PPM1H: variants seen among roughly 807,000 people sequenced by gnomAD.
PPM1H encodes protein phosphatase 1H.
Under a neutral mutation model 54.9 loss-of-function variants are expected in PPM1H, and 27 were observed. The observed-to-expected ratio is 0.49, with a 90% CI of 0.36 to 0.68. PPM1H has a LOEUF of 0.68. Among genes scored for constraint, PPM1H ranks in the 30% least tolerant of loss-of-function variants. The probability of loss-of-function intolerance (pLI) is 0.00; values close to 1 mark genes in which losing one functional copy is unlikely to be tolerated. For synonymous variants in PPM1H, 305 were observed against 270.8 expected (o/e 1.13, Z -1.24); for missense variants, 596 against 667.8 (o/e 0.89, Z 1.19).
intron 8 of PPM1H, among the ~76,000 whole-genome samples, chr12:62,677,899 T>G (rs2075996924): frequency 6.6e-6 from 1 of 152,240 alleles, no homozygotes; most frequent in African/African-American, 2.4e-5. Context: ...ATCCCAGATC[T>G]AGTGATTCAG....
intron 7 of PPM1H, among the ~76,000 whole-genome samples, chr12:62,691,393 GTCTTCA>G (rs1245139592): frequency 1.3e-5 from 2 of 152,176 alleles, no homozygotes; most frequent in African/African-American, 4.8e-5. Flanking sequence ...TTAATATATT[GTCTTCA>G]TCTTCATCCT....
intron 9 of PPM1H, among the ~76,000 whole-genome samples, chr12:62,665,030 G>A (rs1447572396): frequency 1.3e-5 from 2 of 151,260 alleles, no homozygotes; most frequent in Non-Finnish European, 1.5e-5. Context: ...GGAAGGCAAA[G>A]GGGTTAAAGT....
intron 6 of PPM1H, among the ~76,000 whole-genome samples, chr12:62,695,899 G>C (rs61919542): frequency 0.053 from 8,037 of 152,190 alleles, 528 homozygotes; most frequent in East Asian, 0.23. Context: ...GGAGAGTGAG[G>C]AGACAGGCCC....
chr12:62,692,821 T>C (rs555272625), intron 7 of PPM1H, among the ~76,000 whole-genome samples: 2 of 152,264 alleles, frequency 1.3e-5, no homozygotes, highest in Non-Finnish European at 2.9e-5. Context: ...ATGGATCAGA[T>C]ATTTGTGTTT....
chr12:62,879,658 T>C (rs1870319236), intron 1 of PPM1H, among the ~76,000 whole-genome samples: 1 of 152,022 alleles, frequency 6.6e-6, no homozygotes, highest in African/African-American at 2.4e-5. Context: ...AAATACCTAG[T>C]GTAAATGACG....
chr12:62,766,727 G>C (rs1010316074), intron 4 of PPM1H, among the ~76,000 whole-genome samples: 5 of 152,220 alleles, frequency 3.3e-5, no homozygotes, highest in African/African-American at 1.2e-4. Context: ...TCACACAGCT[G>C]TTTCTTGCAA....
chr12:62,855,995 T>G (rs970188580), intron 1 of PPM1H, among the ~76,000 whole-genome samples: 5 of 152,212 alleles, frequency 3.3e-5, no homozygotes, highest in African/African-American at 1.2e-4. Context: ...CCCTTCCAAA[T>G]GCACTGTGAA....
chr12:62,727,996 C>T (rs558241266), intron 5 of PPM1H, among the ~76,000 whole-genome samples: 39 of 151,742 alleles, frequency 2.6e-4, no homozygotes, highest in African/African-American at 8.5e-4. Flanking sequence ...GCCCACCCTC[C>T]GATTAAAAAA....
intron 2 of PPM1H, among the ~76,000 whole-genome samples, chr12:62,828,738 C>T (rs190130358): frequency 1.2e-4 from 18 of 152,200 alleles, no homozygotes; most frequent in Middle Eastern, 3.4e-3. Flanking sequence ...TTTTAAAAAG[C>T]AGCACAAACA....
chr12:62,845,081 C>T (rs977967961), intron 1 of PPM1H, among the ~76,000 whole-genome samples: 29 of 152,330 alleles, frequency 1.9e-4, no homozygotes, highest in African/African-American at 5.8e-4. Context: ...CAGTTAGAGC[C>T]GACCAAGAAG....
chr12:62,812,378 G>A (rs1173686316), intron 2 of PPM1H, among the ~76,000 whole-genome samples: 1 of 152,014 alleles, frequency 6.6e-6, no homozygotes, highest in Non-Finnish European at 1.5e-5. Flanking sequence ...CCTTATTTTT[G>A]CTCCAGATAA....
At chr12:62,788,411 T>G in intron 3 of PPM1H, 73 bp from the exon 4 acceptor site, 1 of 939,654 alleles carries the variant, frequency 1.1e-6, no homozygotes, top group Non-Finnish European at 1.7e-6. Flanking sequence ...TTCATTCTCT[T>G]GACAGTCCCC....
intron 2 of PPM1H, among the ~76,000 whole-genome samples, chr12:62,818,172 G>A (rs1182390055): frequency 6.6e-6 from 1 of 152,086 alleles, no homozygotes; most frequent in Non-Finnish European, 1.5e-5. Context: ...GTAAGTACAC[G>A]CACTTCTTAA....
chr12:62,746,323 A>G (rs1222858457), intron 4 of PPM1H, among the ~76,000 whole-genome samples: 1 of 152,258 alleles, frequency 6.6e-6, no homozygotes, highest in Non-Finnish European at 1.5e-5. Context: ...CTATGCCCAC[A>G]GGCTCTGACA....
At chr12:62,658,419 A>G (rs7302602) in intron 9 of PPM1H, among the ~76,000 whole-genome samples, 19,118 of 151,982 alleles carry the variant, frequency 0.13, 1,514 homozygotes, top group Middle Eastern at 0.22. Flanking sequence ...ACAAAATGGT[A>G]AGCGTCTTCT....
chr12:62,773,497 T>A (rs1463127617), intron 4 of PPM1H, among the ~76,000 whole-genome samples: 4 of 152,008 alleles, frequency 2.6e-5, no homozygotes, highest in Non-Finnish European at 2.9e-5. Flanking sequence ...TTAATAAAAA[T>A]TTTTTTGAAA....
chr12:62,815,178 A>G (rs2076858675), intron 2 of PPM1H, among the ~76,000 whole-genome samples: 1 of 147,066 alleles, frequency 6.8e-6, no homozygotes, highest in South Asian at 2.1e-4. Flanking sequence ...TTCGCTTTTT[A>G]CCATACCTCT....
At chr12:62,817,584 C>T (rs1166589491) in intron 2 of PPM1H, among the ~76,000 whole-genome samples, 4 of 152,070 alleles carry the variant, frequency 2.6e-5, no homozygotes, top group African/African-American at 9.7e-5. Context: ...TAAAAGGCTG[C>T]TCCTATTGCA....
chr12:62,732,396 A>G (rs1172188690), intron 5 of PPM1H, among the ~76,000 whole-genome samples: 2 of 152,192 alleles, frequency 1.3e-5, no homozygotes, highest in African/African-American at 4.8e-5. Context: ...TGTGCATACC[A>G]AGAACACTGA....
Sources: allele counts gnomAD v4.1 joint callset (sites outside exome capture counted in the v4.1 genomes callset), GRCh38; gene constraint gnomAD v4.1.1; transcripts MANE v1.5; gene names NCBI Gene and HGNC (gene_info 2026-07-23, HGNC 2026-07-21).